Variants in TMTC2 observed in about 807,000 individuals in gnomAD.
The protein encoded by TMTC2 is protein O-mannosyl-transferase TMTC2.
Under a neutral mutation model 82.4 loss-of-function variants are expected in TMTC2, and 43 were observed. The observed-to-expected ratio is 0.52, with a 90% CI of 0.41 to 0.67. The LOEUF (loss-of-function observed/expected upper bound fraction) is 0.67. Ranked by LOEUF, TMTC2 falls within the 30% of genes least tolerant of loss-of-function variation. The pLI, the probability that TMTC2 is intolerant of heterozygous loss-of-function variation, is 0.00. For missense variants in TMTC2, 919 were observed against 1,012.4 expected, an observed-to-expected ratio of 0.91 and a Z score of 1.25; for synonymous variants, 408 against 381.9, an observed-to-expected ratio of 1.07 and a Z score of -0.80.
intron 1 of TMTC2, among the ~76,000 whole-genome samples, chr12:82,689,532 G>T (rs1182355980): frequency 6.6e-6 from 1 of 152,186 alleles, no homozygotes; most frequent in African/African-American, 2.4e-5. Flanking sequence ...GTTCATTGCT[G>T]TCTAATCCTT....
intron 1 of TMTC2, among the ~76,000 whole-genome samples, chr12:82,691,635 G>T (rs1396327557): frequency 6.6e-6 from 1 of 152,028 alleles, no homozygotes; most frequent in East Asian, 1.9e-4. Context: ...GACCTGGTAT[G>T]ATAGGAATCC....
At chr12:82,932,385 C>T (rs1225324114) in intron 4 of TMTC2, among the ~76,000 whole-genome samples, 3 of 152,102 alleles carry the variant, frequency 2.0e-5, no homozygotes, top group Non-Finnish European at 4.4e-5. Flanking sequence ...ATGAAGCACA[C>T]CTGCTCCAGC....
At chr12:82,836,546 G>A (rs962269684) in intron 1 of TMTC2, among the ~76,000 whole-genome samples, 1 of 152,132 alleles carries the variant, frequency 6.6e-6, no homozygotes, top group African/African-American at 2.4e-5. Flanking sequence ...GCCGGAAAAG[G>A]CAAGGAACTA....
At chr12:82,856,302 G>C (rs1871257154) in intron 1 of TMTC2, among the ~76,000 whole-genome samples, 1 of 152,204 alleles carries the variant, frequency 6.6e-6, no homozygotes, top group Non-Finnish European at 1.5e-5. Flanking sequence ...TCCCATGAAA[G>C]CTAAGAAGTG....
intron 4 of TMTC2, among the ~76,000 whole-genome samples, chr12:82,937,793 T>TATAC (rs1260414006): frequency 8.6e-5 from 2 of 23,368 alleles, no homozygotes; most frequent in African/African-American, 2.4e-4. Flanking sequence ...TATATATATA[T>TATAC]ATACACACAT....
rs545499549 is a variant in TMTC2, at chr12:83,035,243, T to G, written c.2152+4364T>G. ...AGGCAATATTTTAAAATGCTATCAG[T>G]TACTTGTGTTTTTGTATCCACTAGT... On this transcript the variant is annotated intron_variant, in intron 9 of 11. Transcript: ENST00000321196. 3.9e-5 allele frequency among the ~76,000 whole-genome samples: 6 copies of G among 152,340 alleles called. No individual in the cohort carries two copies. In the South Asian group the frequency reaches 1.2e-3, roughly 32 times the overall value.
At chr12:83,014,236 C>T (rs1322533946) in intron 8 of TMTC2, among the ~76,000 whole-genome samples, 1 of 152,180 alleles carries the variant, frequency 6.6e-6, no homozygotes, top group Non-Finnish European at 1.5e-5. Flanking sequence ...CATCTCCTCT[C>T]ACCGTAACCT....
At chr12:83,090,072 G>T (rs1445068776) in intron 11 of TMTC2, among the ~76,000 whole-genome samples, 1 of 152,070 alleles carries the variant, frequency 6.6e-6, no homozygotes, top group African/African-American at 2.4e-5. Context: ...TTAATAATGA[G>T]GTCAGAAAGG....
intron 2 of TMTC2, among the ~76,000 whole-genome samples, chr12:82,864,341 G>A (rs180738651): frequency 2.0e-4 from 30 of 151,810 alleles, no homozygotes; most frequent in Non-Finnish European, 2.6e-4. Flanking sequence ...GGTCAGCTCC[G>A]TGTAGCCACT....
At chr12:83,097,934 T>C (rs1218222862) in intron 11 of TMTC2, among the ~76,000 whole-genome samples, 1 of 152,132 alleles carries the variant, frequency 6.6e-6, no homozygotes, top group Non-Finnish European at 1.5e-5. Flanking sequence ...CTGGAGAGAT[T>C]GGCAGTGGTA....
At chr12:82,749,973 G>A (rs1875897658) in intron 1 of TMTC2, among the ~76,000 whole-genome samples, 1 of 152,084 alleles carries the variant, frequency 6.6e-6, no homozygotes, top group Admixed American at 6.5e-5. Flanking sequence ...CCTGACCTCA[G>A]GTGATCCACC....
chr12:83,001,550 G>A (rs546689126), intron 8 of TMTC2, among the ~76,000 whole-genome samples: 3 of 149,926 alleles, frequency 2.0e-5, no homozygotes, highest in African/African-American at 4.9e-5. Flanking sequence ...CAGGAGAATC[G>A]CTTGAACCTG....
intron 1 of TMTC2, among the ~76,000 whole-genome samples, chr12:82,694,730 A>G (rs984766179): frequency 1.2e-4 from 18 of 152,134 alleles, no homozygotes; most frequent in African/African-American, 3.9e-4. Flanking sequence ...ATGATTAATC[A>G]TCATTTTTGT....
chr12:82,975,746 T>TTG (rs1565835668), intron 7 of TMTC2, among the ~76,000 whole-genome samples: 1 of 151,720 alleles, frequency 6.6e-6, no homozygotes, highest in Non-Finnish European at 1.5e-5. Context: ...TCCATTACAC[T>TTG]CTTTTGACTC....
chr12:82,702,900 T>C (rs927936956), intron 1 of TMTC2, among the ~76,000 whole-genome samples: 4 of 152,260 alleles, frequency 2.6e-5, no homozygotes, highest in African/African-American at 9.6e-5. Flanking sequence ...TGGTACCAGA[T>C]ACTCAGGAGG....
intron 10 of TMTC2, among the ~76,000 whole-genome samples, chr12:83,056,505 C>T (rs17010565): frequency 0.087 from 13,129 of 151,576 alleles, 711 homozygotes; most frequent in African/African-American, 0.14. Context: ...AATTTAGAAA[C>T]GCTAACTTCT....
intron 11 of TMTC2, among the ~76,000 whole-genome samples, chr12:83,109,625 C>T (rs1884533285): frequency 6.6e-6 from 1 of 152,188 alleles, no homozygotes; most frequent in African/African-American, 2.4e-5. Context: ...ACACCCAGGA[C>T]TTACAGTCTA....
At chr12:82,775,753 C>T (rs34436935) in intron 1 of TMTC2, among the ~76,000 whole-genome samples, 9 of 151,976 alleles carry the variant, frequency 5.9e-5, no homozygotes, top group Non-Finnish European at 1.3e-4. Flanking sequence ...TAATGATGCT[C>T]ATATTTCTTC....
chr12:82,977,979 A>G (rs1878756267), intron 7 of TMTC2, among the ~76,000 whole-genome samples: 1 of 151,770 alleles, frequency 6.6e-6, no homozygotes, highest in African/African-American at 2.4e-5. Context: ...TTACTATATA[A>G]TTGATTTTTT....
Sources: allele counts gnomAD v4.1 joint callset (sites outside exome capture counted in the v4.1 genomes callset), GRCh38; gene constraint gnomAD v4.1.1; transcripts MANE v1.5; gene names NCBI Gene and HGNC (gene_info 2026-07-23, HGNC 2026-07-21).